Variants in AOPEP observed in about 807,000 individuals in gnomAD.
AOPEP encodes aminopeptidase O.
AOPEP carries 77 observed loss-of-function variants against 98.1 expected under a neutral mutation model. That is an observed-to-expected ratio of 0.78 (90% CI 0.65 to 0.95). The LOEUF is 0.95. AOPEP is among the 40% of genes least tolerant of loss of function. AOPEP has a pLI of 0.00. For synonymous variants in AOPEP, 346 were observed against 365.3 expected (o/e 0.95, Z 0.60); for missense variants, 1,024 against 1,024.7 (o/e 1.00, Z 0.01).
intron 13 of AOPEP, among the ~76,000 whole-genome samples, chr9:95,028,994 C>T (rs1388339319): frequency 6.6e-6 from 1 of 152,234 alleles, no homozygotes; most frequent in Non-Finnish European, 1.5e-5. Flanking sequence ...AAGGCAGCGC[C>T]AGCTGGTGAG....
chr9:94,760,356 T>C lies in AOPEP; in HGVS notation c.573T>C (p.Leu191=). ...TCAGGAATCAGATTGTACGTGAACT[T>C]GTGACTTTGCCTGCAAATCGTTGGA... ...EEFRNQIVRE[L]VTLPANRWRE... The change falls in exon 2 of 17, where the codon CTT becomes CTC. Residue 191 remains leucine (L), a synonymous_variant. Coordinates refer to ENST00000375315, the MANE Select transcript of AOPEP (RefSeq NM_001193329.3). 6.2e-7 allele frequency: 1 copy of C among 1,614,188 alleles called. No individual in the cohort carries two copies. The highest frequency in any genetic ancestry group is 8.5e-7 in the Non-Finnish European group (1 of 1,180,040).
intron 13 of AOPEP, among the ~76,000 whole-genome samples, chr9:95,033,787 CATT>C (rs2064535014): frequency 1.3e-5 from 2 of 152,130 alleles, no homozygotes; most frequent in Non-Finnish European, 2.9e-5. Context: ...TCTTTTGTAA[CATT>C]ATAGAAATAA....
At chr9:95,072,156 G>C (rs1255811502) in intron 14 of AOPEP, among the ~76,000 whole-genome samples, 1 of 152,242 alleles carries the variant, frequency 6.6e-6, no homozygotes, top group Non-Finnish European at 1.5e-5. Flanking sequence ...GCCAACCCCA[G>C]CCTGAGCCTG....
At chr9:94,967,679 G>A in intron 9 of AOPEP, 79 bp from the exon 10 acceptor site, 2 of 1,173,058 alleles carry the variant, frequency 1.7e-6, no homozygotes, top group Non-Finnish European at 2.6e-6. Flanking sequence ...GTAGCTGGGA[G>A]CACTCAGCCT....
At chr9:94,938,804 G>A (rs568723227) in intron 7 of AOPEP, among the ~76,000 whole-genome samples, 63 of 152,280 alleles carry the variant, frequency 4.1e-4, no homozygotes, top group African/African-American at 1.3e-3. Flanking sequence ...ATTACCCAGC[G>A]TTTGGGATAA....
chr9:94,767,770 G>A (rs549745923), intron 2 of AOPEP, among the ~76,000 whole-genome samples: 3 of 152,290 alleles, frequency 2.0e-5, no homozygotes, highest in African/African-American at 7.2e-5. Context: ...AGCCTTGTCC[G>A]TTTTGACTTT....
chr9:94,796,957 A>T (rs1227628618), intron 4 of AOPEP, among the ~76,000 whole-genome samples: 5 of 152,220 alleles, frequency 3.3e-5, no homozygotes, highest in African/African-American at 4.8e-5. Context: ...AGCAAAAATG[A>T]TTAAAGGCAT....
At chr9:94,984,664 AC>A (rs2060404965) in intron 11 of AOPEP, among the ~76,000 whole-genome samples, 1 of 152,232 alleles carries the variant, frequency 6.6e-6, no homozygotes, top group Non-Finnish European at 1.5e-5. Flanking sequence ...AATTAATCCT[AC>A]CTGTTACTTC....
At chr9:95,135,245 G>A in the AOPEP span, 2 of 1,149,276 alleles carry the variant, frequency 1.7e-6, no homozygotes, top group Non-Finnish European at 1.3e-6. Flanking sequence ...GGTTCCAATT[G>A]CTCTTTTGTT....
intron 14 of AOPEP, among the ~76,000 whole-genome samples, chr9:95,063,894 A>T (rs566282637): frequency 6.9e-6 from 1 of 144,932 alleles, no homozygotes; most frequent in African/African-American, 2.5e-5. Context: ...GACTGACTAC[A>T]GCTAATTGAC....
chr9:94,742,013 A>G (rs535370154), intron 1 of AOPEP, among the ~76,000 whole-genome samples: 9 of 152,292 alleles, frequency 5.9e-5, no homozygotes, highest in East Asian at 3.9e-4. Flanking sequence ...GAAACCTTCT[A>G]TGTTTGTGGG....
chr9:95,079,156 T>A (rs1319581985), intron 14 of AOPEP, among the ~76,000 whole-genome samples: 1 of 152,210 alleles, frequency 6.6e-6, no homozygotes, highest in Non-Finnish European at 1.5e-5. Flanking sequence ...ATTCCTGAGT[T>A]AACACCCGTT....
At chr9:94,731,790 CTTTTTTTTTTT>C (rs564831468) in intron 1 of AOPEP, among the ~76,000 whole-genome samples, 1 of 86,290 alleles carries the variant, frequency 1.2e-5, no homozygotes, top group African/African-American at 5.2e-5. Flanking sequence ...TCTCTTTTGC[CTTTTTTTTTTT>C]TTTTTTTTTT....
At chr9:95,024,992 G>GT (rs2063730677) in intron 13 of AOPEP, among the ~76,000 whole-genome samples, 1 of 152,060 alleles carries the variant, frequency 6.6e-6, no homozygotes, top group Non-Finnish European at 1.5e-5. Flanking sequence ...TGGATAATAG[G>GT]TATACATAGT....
intron 5 of AOPEP, among the ~76,000 whole-genome samples, chr9:94,858,183 G>T (rs1448542916): frequency 6.6e-6 from 1 of 152,152 alleles, no homozygotes; most frequent in Non-Finnish European, 1.5e-5. Flanking sequence ...CTTGGCCTAG[G>T]GTATGTATAG....
chr9:95,142,779 G>C, the AOPEP span, among the ~76,000 whole-genome samples: 2 of 152,294 alleles, frequency 1.3e-5, no homozygotes, highest in Admixed American at 1.3e-4. Context: ...GCGAGTGTTA[G>C]AGTGGTCAGA....
At chr9:95,040,737 A>T (rs925468919) in intron 13 of AOPEP, among the ~76,000 whole-genome samples, 4 of 152,210 alleles carry the variant, frequency 2.6e-5, no homozygotes, top group Admixed American at 2.6e-4. Context: ...ACAGAGCGAC[A>T]CCCAGCTTGT....
rs371947769 is a variant in AOPEP, at chr9:95,005,569, A to C, written c.2068A>C (p.Arg690=). 78 of 1,614,018 alleles carry C rather than the reference A, an allele frequency of 4.8e-5. No homozygotes were observed. The African/African-American group carries it at 8.4e-4, about 17-fold the overall frequency. The change falls in exon 13 of 17, where the codon AGA becomes CGA. Residue 690 remains arginine, a synonymous_variant. Transcript: ENST00000375315. ...CACGAAATGGATTGGAGTGAACCGG[A>C]GACCCCGAAAACGGAAGCGCAGGGA... ...EVTKWIGVNR[R]PRKRKRREKE... is the part of the protein sequence containing the mutation.
chr9:94,826,292 C>G (rs764900875), intron 5 of AOPEP, among the ~76,000 whole-genome samples: 1 of 152,194 alleles, frequency 6.6e-6, no homozygotes, highest in African/African-American at 2.4e-5. Context: ...ATGGAAGAAA[C>G]ATGACCAACC....
Sources: allele counts gnomAD v4.1 joint callset (sites outside exome capture counted in the v4.1 genomes callset), GRCh38; gene constraint gnomAD v4.1.1; transcripts MANE v1.5; gene names NCBI Gene and HGNC (gene_info 2026-07-23, HGNC 2026-07-21).